KAT6A: variants seen among roughly 807,000 people sequenced by gnomAD.
KAT6A encodes the protein histone acetyltransferase KAT6A.
In KAT6A, 9 loss-of-function variants were observed where a neutral mutation model predicts 198.4. The observed-to-expected ratio is 0.05, with a 90% CI of 0.03 to 0.08. The LOEUF (loss-of-function observed/expected upper bound fraction) is 0.08. Among genes scored for constraint, KAT6A ranks in the 10% least tolerant of loss-of-function variants. The pLI is 1.00. For synonymous variants in KAT6A, 890 were observed against 883.0 expected (o/e 1.01, Z -0.14); for missense variants, 2,077 against 2,509.9 (o/e 0.83, Z 3.69).
intron 4 of KAT6A, among the ~76,000 whole-genome samples, chr8:41,981,635 G>T (rs533680110): frequency 6.6e-6 from 1 of 152,228 alleles, no homozygotes; most frequent in East Asian, 1.9e-4. Flanking sequence ...ATAATTAAGT[G>T]CTTTACAAAT....
chr8:42,044,439 A>T (rs1239223936), intron 2 of KAT6A, among the ~76,000 whole-genome samples: 1 of 152,066 alleles, frequency 6.6e-6, no homozygotes, highest in Non-Finnish European at 1.5e-5. Context: ...GATTCTCCTC[A>T]GTACTTATCA....
At chr8:41,938,954 G>GAAAAAAAAAAA (rs894664976) in intron 15 of KAT6A, among the ~76,000 whole-genome samples, 1 of 75,748 alleles carries the variant, frequency 1.3e-5, no homozygotes. Context: ...TCTGGGGAAG[G>GAAAAAAAAAAA]AAAAAAAAAA....
At chr8:41,944,237 G>A (rs1032491465) in intron 12 of KAT6A, among the ~76,000 whole-genome samples, 4 of 151,990 alleles carry the variant, frequency 2.6e-5, no homozygotes, top group African/African-American at 7.3e-5. Context: ...TAAAATATTC[G>A]AAGTGTTAAA....
chr8:41,955,491 T>C, intron 8 of KAT6A, 80 bp from the exon 9 acceptor site: 4 of 901,386 alleles, frequency 4.4e-6, no homozygotes, highest in Non-Finnish European at 7.1e-6. Flanking sequence ...AATCTAAATG[T>C]TGTCTTCTCA....
intron 9 of KAT6A, 47 bp downstream of exon 9, chr8:41,955,249 C>T: frequency 8.5e-7 from 1 of 1,172,928 alleles, no homozygotes; most frequent in Non-Finnish European, 1.3e-6. Context: ...CAGTTCCAGA[C>T]TTCTATGGAT....
intron 2 of KAT6A, among the ~76,000 whole-genome samples, chr8:42,011,433 C>G (rs149465095): frequency 3.3e-5 from 5 of 152,134 alleles, no homozygotes; most frequent in East Asian, 3.9e-4. Context: ...CAATGCTGAT[C>G]GACAGTTAAA....
At chr8:42,017,016 T>C (rs1178992342) in intron 2 of KAT6A, among the ~76,000 whole-genome samples, 1 of 152,152 alleles carries the variant, frequency 6.6e-6, no homozygotes, top group African/African-American at 2.4e-5. Context: ...CTTGTTTAGA[T>C]ACTTGATAGA....
intron 8 of KAT6A, among the ~76,000 whole-genome samples, chr8:41,974,185 C>T (rs191295377): frequency 1.3e-5 from 2 of 152,104 alleles, no homozygotes; most frequent in African/African-American, 2.4e-5. Context: ...TCAAGCAATT[C>T]TCCTGCCTCA....
intron 3 of KAT6A, among the ~76,000 whole-genome samples, chr8:41,985,191 G>A (rs1315299555): frequency 6.6e-6 from 1 of 151,810 alleles, no homozygotes; most frequent in Non-Finnish European, 1.5e-5. Flanking sequence ...AGGGAATTTG[G>A]AAATAACTGC....
At chr8:41,967,817 T>C (rs9694612) in intron 8 of KAT6A, among the ~76,000 whole-genome samples, 5,422 of 151,854 alleles carry the variant, frequency 0.036, 175 homozygotes, top group African/African-American at 0.091. Context: ...AGAAATAACG[T>C]CGCATATCTA....
chr8:42,012,428 A>C (rs1425113330), intron 2 of KAT6A, among the ~76,000 whole-genome samples: 11 of 152,220 alleles, frequency 7.2e-5, no homozygotes, highest in Admixed American at 7.2e-4. Flanking sequence ...TAAGCAGGCC[A>C]TACATGTTGT....
At chr8:42,020,146 G>C (rs1362888153) in intron 2 of KAT6A, among the ~76,000 whole-genome samples, 1 of 152,118 alleles carries the variant, frequency 6.6e-6, no homozygotes, top group Non-Finnish European at 1.5e-5. Context: ...TAGCCTGCAA[G>C]CCAAATCCAG....
Position 42,049,176 on chromosome 8 carries a change from A to T in KAT6A, c.-199T>A, listed in dbSNP as rs7006698. On this transcript the variant is annotated 5_prime_UTR_variant, in exon 2 of 17. Coordinates refer to ENST00000265713, the MANE Select transcript of KAT6A (RefSeq NM_006766.5). ...CTATAGAAACCAAAACAACCTGTTG[A>T]TTGAAATGTCTTCCAACTTCCCAAT... 359,079 of 530,498 alleles carry T rather than the reference A, an allele frequency of 0.68. 124,177 individuals are homozygous for T. The highest frequency in any genetic ancestry group is 0.92 in the African/African-American group (48,503 of 52,624). The allele number at this position is 530,498 out of a possible 1,614,324, so 32.9% of individuals were successfully genotyped here.
Position 41,932,959 on chromosome 8 carries a change from G to A in KAT6A, c.5261C>T (p.Ala1754Val). ...GGTGTTGGTCAGCTGCTGCAGCTTG[G>A]CTAGGCTGAAGGTGGCTGATGGTTG... Reference protein sequence around the residue: ...YSQPSATFSLAKLQQLTNTIM... With the variant: ...YSQPSATFSLVKLQQLTNTIM... Residue 1754 changes from alanine (A) to valine (V), a missense_variant, in exon 17 of 17, where the codon GCC becomes GTC. Physicochemically the swap from Ala to Val is moderately conservative, Grantham distance 64. This residue lies in a region of KAT6A where 500 missense variants were observed against 577.2 expected (regional missense o/e 0.87). Transcript: ENST00000265713. The A allele has an allele frequency of 6.2e-7, 1 of 1,614,162 alleles. No individual in the cohort carries two copies.
rs117348493 is a variant in KAT6A at position 41,933,451 on chromosome 8, C to A, written c.4769G>T (p.Gly1590Val). 121 of 1,612,876 alleles carry A rather than the reference C, an allele frequency of 7.5e-5. 1 individual carries two copies. The East Asian group carries it at 2.6e-3, about 34-fold the overall frequency. Residue 1590 changes from glycine (G) to valine (V), a missense_variant, in exon 17 of 17, where the codon GGT (glycine) becomes GTT (valine). This residue lies in a region of KAT6A where 500 missense variants were observed against 577.2 expected (regional missense o/e 0.87). Coordinates refer to ENST00000265713, the MANE Select transcript of KAT6A (RefSeq NM_006766.5). This position sits in a 1 kb window ranked among gnomAD's most constrained non-coding sequence, Gnocchi z 6.2. ...NSSSQSSCSY[G>V]GLSSSSSLTQ... is the part of the protein sequence containing the mutation. ...GAGGCTGCTGGAGGACGACAGCCCA[C>A]CGTAGGAGCAGCTGCTCTGGGAAGA...
At chr8:42,017,845 ATAAT>A (rs1826348384) in intron 2 of KAT6A, among the ~76,000 whole-genome samples, 1 of 152,224 alleles carries the variant, frequency 6.6e-6, no homozygotes, top group African/African-American at 2.4e-5. Flanking sequence ...AGTCTGCTAA[ATAAT>A]AAGCTCCACG....
Position 41,934,835 on chromosome 8 carries a change from GCAAAAGAGATAC to G in KAT6A, c.3373_3384del (p.Val1125_Leu1128del), listed in dbSNP as rs761248408. ...GGAGAATTCTTCACATCACGTTTTC[GCAAAAGAGATAC>G]TGGCTTTAAGATAGGAGTGTCTATA... On this transcript the variant is annotated inframe_deletion, in exon 17 of 17. Transcript: ENST00000265713. 4.3e-6 allele frequency: 7 copies of G among 1,611,798 alleles called. No homozygotes were observed. In the South Asian group the frequency reaches 7.7e-5, roughly 18 times the overall value.
chr8:42,009,665 G>A (rs1186780388), intron 2 of KAT6A, among the ~76,000 whole-genome samples: 1 of 151,812 alleles, frequency 6.6e-6, no homozygotes, highest in Non-Finnish European at 1.5e-5. Flanking sequence ...TGGGGAGGCT[G>A]AGGTGGGAGG....
chr8:41,995,542 C>T (rs1022260610), intron 2 of KAT6A, among the ~76,000 whole-genome samples: 1 of 152,124 alleles, frequency 6.6e-6, no homozygotes, highest in African/African-American at 2.4e-5. Context: ...TTGCCCAATG[C>T]TCTCTGTTGA....
Sources: gnomAD v4.1 joint callset for allele counts (sites outside exome capture counted in the v4.1 genomes callset) on GRCh38, gnomAD v4.1.1 for gene constraint, gnomAD v4.1.1 regional missense constraint, Gnocchi (gnomAD v3.1) non-coding constraint, MANE v1.5 for transcripts, NCBI Gene and HGNC (gene_info 2026-07-23, HGNC 2026-07-21) for gene names.